The following CLEC12A variants were observed in gnomAD, a reference collection of about 807,000 sequenced individuals.
CLEC12A encodes the protein C-type lectin domain family 12 member A.
In CLEC12A, 22 loss-of-function variants were observed where a neutral mutation model predicts 26.5. The ratio of observed to expected loss-of-function variants is 0.83; its 90% CI spans 0.59 to 1.19. CLEC12A has a LOEUF of 1.19. CLEC12A is among the 50% of genes most tolerant of loss of function. The pLI is 0.00. For missense variants in CLEC12A, 353 were observed against 315.6 expected, an observed-to-expected ratio of 1.12 and a Z score of -0.90; for synonymous variants, 119 against 101.9, an observed-to-expected ratio of 1.17 and a Z score of -1.01.
At chr12:9,972,550 A>G (rs1347262320) in intron 1 of CLEC12A, among the ~76,000 whole-genome samples, 1 of 152,200 alleles carries the variant, frequency 6.6e-6, no homozygotes, top group African/African-American at 2.4e-5. Flanking sequence ...ATAGTGGAGA[A>G]CACAAAGAAG....
chr12:9,957,412 C>T (rs942950806), intron 1 of CLEC12A, among the ~76,000 whole-genome samples: 3 of 148,886 alleles, frequency 2.0e-5, no homozygotes, highest in Non-Finnish European at 4.4e-5. Flanking sequence ...CACTTGAACT[C>T]GGGAGACAGA....
At chr12:9,961,997 A>G (rs1863836576) in intron 1 of CLEC12A, among the ~76,000 whole-genome samples, 2 of 152,186 alleles carry the variant, frequency 1.3e-5, no homozygotes, top group African/African-American at 4.8e-5. Context: ...CTACAGCACT[A>G]GGAAATGGAT....
the CLEC12A span, among the ~76,000 whole-genome samples, chr12:10,004,408 G>A: frequency 3.3e-4 from 51 of 152,264 alleles, no homozygotes; most frequent in East Asian, 9.3e-3. Context: ...GGATGAATGG[G>A]GAGCTGGAAG....
At chr12:9,994,221 G>A (rs1864972733) in intron 4 of CLEC12A, among the ~76,000 whole-genome samples, 1 of 151,972 alleles carries the variant, frequency 6.6e-6, no homozygotes. Flanking sequence ...CAAGACAAAA[G>A]CCTTAAGGTA....
downstream of CLEC12A, among the ~76,000 whole-genome samples, chr12:9,988,612 A>C (rs1156992913): frequency 2.0e-5 from 3 of 152,268 alleles, no homozygotes; most frequent in East Asian, 5.8e-4. Flanking sequence ...CACATGTAAA[A>C]GTGCTCATCA....
At chr12:9,959,923 C>T (rs558649907) in intron 1 of CLEC12A, among the ~76,000 whole-genome samples, 36 of 152,158 alleles carry the variant, frequency 2.4e-4, no homozygotes, top group Non-Finnish European at 4.6e-4. Context: ...CTATGTCATA[C>T]ATGAAACAAT....
the CLEC12A span, among the ~76,000 whole-genome samples, chr12:10,002,702 C>A: frequency 1.3e-5 from 2 of 151,966 alleles, no homozygotes; most frequent in Admixed American, 6.6e-5. Context: ...TCGGCCTCCC[C>A]AAGTGCTAGG....
Position 9,985,148 on chromosome 12 carries a change from A to T in CLEC12A, c.*122A>T. On this transcript the variant is annotated 3_prime_UTR_variant, in exon 6 of 6. Coordinates refer to ENST00000304361, the MANE Select transcript of CLEC12A (RefSeq NM_138337.6). ...CTGAAGACCTGGGATTTTATCATGC[A>T]GATGAAACATCCAGGTAGCAAGCTT... 9.1e-7 allele frequency: 1 copy of T among 1,102,236 alleles called. No homozygotes were observed. Among genetic ancestry groups the T allele is most frequent in the Non-Finnish European group, 1.2e-6 (1 of 837,806 alleles). The allele number at this position is 1,102,236 out of a possible 1,614,324, so 68.3% of individuals were successfully genotyped here. A position where few individuals can be genotyped will look rare whatever the true frequency, so the allele number is the denominator to read the frequency against.
intron 3 of CLEC12A, 133 bp from the exon 4 acceptor site, chr12:9,980,448 AG>A (rs55790035): frequency 8.4e-6 from 7 of 838,094 alleles, no homozygotes; most frequent in South Asian, 3.9e-5. Context: ...AAAAAAAAAA[AG>A]GGGGAAAGAG....
In CLEC12A at chr12:9,971,627, C is replaced by A; in HGVS notation, c.31C>A (p.Gln11Lys). 6.2e-7 allele frequency: 1 copy of A among 1,609,704 alleles called. No individual in the cohort carries two copies. The highest frequency in any genetic ancestry group is 1.1e-5 in the South Asian group (1 of 90,156). MSEEVTYADL[Q>K]FQNSSEMEKI... ...TGAAGAAGTTACTTATGCAGATCTTCAATTCCAGAACTCCAGTGAGATGGA... is the reference window on the plus strand; with the variant it reads ...TGAAGAAGTTACTTATGCAGATCTTAAATTCCAGAACTCCAGTGAGATGGA... The change falls in exon 1 of 6, where the codon CAA becomes AAA. Residue 11 changes from glutamine to lysine, a missense_variant. By Grantham distance (53) the Gln-to-Lys change is moderately conservative. Coordinates refer to ENST00000304361, the MANE Select transcript of CLEC12A (RefSeq NM_138337.6).
intron 1 of CLEC12A, among the ~76,000 whole-genome samples, chr12:9,965,472 C>T (rs146487056): frequency 0.31 from 44,767 of 144,402 alleles, 7,794 homozygotes; most frequent in East Asian, 0.44. Flanking sequence ...TTTGCTGAGT[C>T]TGATGGGTGT....
the CLEC12A span, among the ~76,000 whole-genome samples, chr12:10,002,164 A>G: frequency 6.6e-6 from 1 of 152,152 alleles, no homozygotes; most frequent in Non-Finnish European, 1.5e-5. Context: ...TACAGGCTTT[A>G]GCTACCGCGC....
At chr12:9,964,676 A>G (rs1591814684) in intron 1 of CLEC12A, among the ~76,000 whole-genome samples, 2 of 152,034 alleles carry the variant, frequency 1.3e-5, no homozygotes, top group Admixed American at 1.3e-4. Flanking sequence ...AGAATAGTAG[A>G]TGGAACAGAA....
Position 9,979,262 on chromosome 12 carries a change from C to A in CLEC12A, c.191-74C>A, listed in dbSNP as rs529643757. 5.0e-6 allele frequency: 6 copies of A among 1,210,624 alleles called. No homozygotes were observed. In the East Asian group the frequency reaches 7.6e-5, roughly 15 times the overall value. The allele number at this position is 1,210,624 out of a possible 1,614,324, so 75.0% of individuals were successfully genotyped here. On this transcript the variant is annotated intron_variant, in intron 2 of 5. Coordinates refer to ENST00000304361, the MANE Select transcript of CLEC12A (RefSeq NM_138337.6). ...TTTCCCTACCCCTTTAATCTTTATA[C>A]TACTTCTGCAAATGATAAAGGATGA...
rs547395982 is a variant in CLEC12A, at chr12:9,957,670, G to A, written c.10+6314G>A. ...AGTGAATCTGCATTTTTATACAAAC[G>A]AAAGGGCAGAGGAAGCAATCAGATA... On this transcript the variant is annotated intron_variant, in intron 1 of 6. Coordinates refer to the CLEC12A transcript ENST00000355690. Among the ~76,000 whole-genome samples the A allele has an allele frequency of 7.5e-4, 114 of 152,214 alleles. 1 individual carries two copies. The South Asian group carries it at 0.023, about 30-fold the overall frequency.
At chr12:9,959,591 CT>C (rs1470781661) in intron 1 of CLEC12A, among the ~76,000 whole-genome samples, 9 of 151,940 alleles carry the variant, frequency 5.9e-5, no homozygotes, top group Non-Finnish European at 1.0e-4. Flanking sequence ...GACTATAAGT[CT>C]TTTTTGACTC....
intron 4 of CLEC12A, among the ~76,000 whole-genome samples, chr12:9,981,717 A>G (rs1864566813): frequency 6.6e-6 from 1 of 152,070 alleles, no homozygotes; most frequent in Non-Finnish European, 1.5e-5. Flanking sequence ...TGGACACAAT[A>G]TTTACTGCTC....
chr12:10,001,932 T>A, the CLEC12A span, among the ~76,000 whole-genome samples: 3 of 148,222 alleles, frequency 2.0e-5, no homozygotes, highest in Admixed American at 2.1e-4. Flanking sequence ...CAGGCTGGAG[T>A]GCAGTGGCGC....
chr12:9,967,701 C>T (rs920353666), upstream of CLEC12A, among the ~76,000 whole-genome samples: 9 of 148,052 alleles, frequency 6.1e-5, no homozygotes, highest in Admixed American at 1.4e-4. Flanking sequence ...CCCAGAAAAG[C>T]GGAGAAGGGG....
Sources: allele counts gnomAD v4.1 joint callset (sites outside exome capture counted in the v4.1 genomes callset), GRCh38; gene constraint gnomAD v4.1.1; transcripts MANE v1.5; gene names NCBI Gene and HGNC (gene_info 2026-07-23, HGNC 2026-07-21).